Variants in RPS6KA5 observed in about 807,000 individuals in gnomAD.
RPS6KA5 encodes the protein ribosomal protein S6 kinase alpha-5.
In RPS6KA5, 27 loss-of-function variants were observed where a neutral mutation model predicts 85.5. The observed-to-expected ratio is 0.32, with a 90% CI of 0.23 to 0.44. RPS6KA5 has a LOEUF of 0.44. Among genes scored for constraint, RPS6KA5 ranks in the 20% least tolerant of loss-of-function variants. RPS6KA5 has a pLI of 1.00. For missense variants in RPS6KA5, 811 were observed against 980.9 expected, an observed-to-expected ratio of 0.83 and a Z score of 2.31; for synonymous variants, 334 against 348.2, an observed-to-expected ratio of 0.96 and a Z score of 0.46.
chr14:90,940,864 C>G (rs2037533754), intron 5 of RPS6KA5, among the ~76,000 whole-genome samples: 1 of 152,152 alleles, frequency 6.6e-6, no homozygotes, highest in South Asian at 2.1e-4. Flanking sequence ...TGCAAGGGAT[C>G]TAGGTTGCAC....
intron 7 of RPS6KA5, among the ~76,000 whole-genome samples, chr14:90,915,655 A>C (rs2036080234): frequency 6.6e-6 from 1 of 151,912 alleles, no homozygotes; most frequent in Non-Finnish European, 1.5e-5. Context: ...AAAAATACAA[A>C]AATTAGGTGG....
intron 1 of RPS6KA5, among the ~76,000 whole-genome samples, chr14:91,035,726 T>A (rs1334927566): frequency 6.6e-6 from 1 of 151,802 alleles, no homozygotes; most frequent in Non-Finnish European, 1.5e-5. Context: ...GGCTATGGAA[T>A]GTTTTAAGTA....
chr14:91,027,160 T>C (rs1309247470), intron 1 of RPS6KA5, among the ~76,000 whole-genome samples: 2 of 152,228 alleles, frequency 1.3e-5, no homozygotes, highest in East Asian at 3.8e-4. Context: ...TTTCTTGCAA[T>C]TGCTTTTTCA....
At chr14:91,037,828 G>A (rs756866513) in intron 1 of RPS6KA5, among the ~76,000 whole-genome samples, 2 of 152,004 alleles carry the variant, frequency 1.3e-5, no homozygotes, top group Non-Finnish European at 1.5e-5. Flanking sequence ...TTATTATTCC[G>A]CCAGCCCACT....
intron 3 of RPS6KA5, among the ~76,000 whole-genome samples, chr14:90,971,363 C>T (rs1458060181): frequency 6.6e-6 from 1 of 152,174 alleles, no homozygotes; most frequent in Non-Finnish European, 1.5e-5. Flanking sequence ...TTATTCACTA[C>T]TGCCTATGGT....
chr14:90,901,065 A>G (rs1272047235), intron 9 of RPS6KA5, among the ~76,000 whole-genome samples: 1 of 152,184 alleles, frequency 6.6e-6, no homozygotes, highest in Non-Finnish European at 1.5e-5. Flanking sequence ...TACAAACATA[A>G]CTAACTTCTC....
chr14:90,968,214 C>A (rs1471498447), intron 3 of RPS6KA5, among the ~76,000 whole-genome samples: 3 of 152,062 alleles, frequency 2.0e-5, no homozygotes, highest in Non-Finnish European at 4.4e-5. Context: ...TCCTAAAAGG[C>A]AGCTATGGCA....
chr14:90,944,497 C>T (rs1370403470), intron 4 of RPS6KA5, among the ~76,000 whole-genome samples: 5 of 151,930 alleles, frequency 3.3e-5, no homozygotes, highest in East Asian at 3.9e-4. Flanking sequence ...GGCTAACGCC[C>T]GTAATCCCAA....
At chr14:91,057,799 C>A (rs1029794236) in intron 1 of RPS6KA5, among the ~76,000 whole-genome samples, 3 of 152,164 alleles carry the variant, frequency 2.0e-5, no homozygotes, top group Admixed American at 2.0e-4. Context: ...GCCAAGCAAC[C>A]CGCTTAGCAC....
intron 1 of RPS6KA5, among the ~76,000 whole-genome samples, chr14:91,033,337 G>GGGCACTGTGGCT (rs1221965503): frequency 6.6e-6 from 1 of 152,134 alleles, no homozygotes; most frequent in Non-Finnish European, 1.5e-5. Flanking sequence ...CTGTTGGGCC[G>GGGCACTGTGGCT]GGCACTGTGG....
At chr14:91,038,944 G>T (rs2042500479) in intron 1 of RPS6KA5, among the ~76,000 whole-genome samples, 1 of 152,102 alleles carries the variant, frequency 6.6e-6, no homozygotes, top group Admixed American at 6.5e-5. Context: ...CAAGCAATGG[G>T]GATCTTTCCA....
Position 91,060,527 on chromosome 14 carries a change from G to C in RPS6KA5, c.-93C>G. 1 of 1,232,438 alleles carries C rather than the reference G, an allele frequency of 8.1e-7. No homozygotes were observed. The highest frequency in any genetic ancestry group is 3.5e-5 in the South Asian group (1 of 28,688). The allele number at this position is 1,232,438 out of a possible 1,614,324, so 76.3% of individuals were successfully genotyped here. A position where few individuals can be genotyped will look rare whatever the true frequency, so the allele number is the denominator to read the frequency against. On this transcript the variant is annotated 5_prime_UTR_variant, in exon 1 of 17. Coordinates refer to ENST00000614987, the MANE Select transcript of RPS6KA5 (RefSeq NM_004755.4). Reference sequence around the variant, plus strand: ...CCTCGCAGCCGCTGCCGCGGCCCCAGGAGTCGGGGTGCGGCGGCTCCAGAA... The same window carrying C: ...CCTCGCAGCCGCTGCCGCGGCCCCACGAGTCGGGGTGCGGCGGCTCCAGAA...
intron 1 of RPS6KA5, among the ~76,000 whole-genome samples, chr14:91,011,382 G>T (rs1595467507): frequency 6.6e-6 from 1 of 151,974 alleles, no homozygotes; most frequent in Non-Finnish European, 1.5e-5. Flanking sequence ...GCTACTCAGG[G>T]GGCTGAGGCA....
intron 7 of RPS6KA5, among the ~76,000 whole-genome samples, chr14:90,907,248 ATAAT>A (rs2035559379): frequency 6.6e-6 from 1 of 152,222 alleles, no homozygotes; most frequent in South Asian, 2.1e-4. Flanking sequence ...ACAACAACAG[ATAAT>A]TAATGTATAA....
intron 1 of RPS6KA5, among the ~76,000 whole-genome samples, chr14:91,053,253 A>C (rs529017526): frequency 6.6e-6 from 1 of 152,320 alleles, no homozygotes; most frequent in South Asian, 2.1e-4. Context: ...AGCTAACCCC[A>C]TACTCAGTGG....
chr14:91,047,642 T>A (rs1023282400), intron 1 of RPS6KA5, among the ~76,000 whole-genome samples: 2 of 152,258 alleles, frequency 1.3e-5, no homozygotes, highest in Non-Finnish European at 2.9e-5. Flanking sequence ...ATTAGTTTCC[T>A]GTAACTGCGG....
intron 14 of RPS6KA5, among the ~76,000 whole-genome samples, chr14:90,882,696 T>A: frequency 6.6e-6 from 1 of 152,202 alleles, no homozygotes; most frequent in Non-Finnish European, 1.5e-5. Context: ...TTTTAGTGCT[T>A]TGAATGTATC....
At chr14:91,051,446 A>C (rs1054316112) in intron 1 of RPS6KA5, among the ~76,000 whole-genome samples, 2 of 151,840 alleles carry the variant, frequency 1.3e-5, no homozygotes, top group African/African-American at 4.8e-5. Flanking sequence ...AACAACAATA[A>C]AGTAAATCAC....
intron 1 of RPS6KA5, among the ~76,000 whole-genome samples, chr14:91,059,510 A>G (rs1278471304): frequency 1.3e-5 from 2 of 152,184 alleles, no homozygotes; most frequent in Non-Finnish European, 2.9e-5. Flanking sequence ...ATATAAATCC[A>G]AATTGTACTG....
Sources: gnomAD v4.1 joint callset for allele counts (sites outside exome capture counted in the v4.1 genomes callset) on GRCh38, gnomAD v4.1.1 for gene constraint, MANE v1.5 for transcripts, NCBI Gene and HGNC (gene_info 2026-07-23, HGNC 2026-07-21) for gene names.